The following UBA1 variants were observed in gnomAD, a reference collection of about 807,000 sequenced individuals.
UBA1 encodes the protein ubiquitin like modifier activating enzyme 1.
In UBA1, 4 loss-of-function variants were observed where a neutral mutation model predicts 84.7. That is an observed-to-expected ratio of 0.05 (90% CI 0.02 to 0.11). The LOEUF (loss-of-function observed/expected upper bound fraction) is 0.11. Ranked by LOEUF, UBA1 falls within the 10% of genes least tolerant of loss-of-function variation. The pLI is 1.00. For synonymous variants in UBA1, 364 were observed against 362.6 expected (o/e 1.00, Z -0.04); for missense variants, 513 against 902.8 (o/e 0.57, Z 5.53).
At chrX:47,192,801 G>A (rs782097787), upstream of UBA1, among the ~76,000 whole-genome samples, 1 of 112,291 alleles carries the variant, frequency 8.9e-6, no homozygotes, top group Admixed American at 9.4e-5. Flanking sequence ...ATCTTGGCCA[G>A]GCTGGTCTCC....
chrX:47,208,310 TGTAA>T (rs782158898), intron 16 of UBA1, among the ~76,000 whole-genome samples: 33 of 97,280 alleles, frequency 3.4e-4, no homozygotes, highest in Non-Finnish European at 5.4e-4. Flanking sequence ...TGTGTGTACG[TGTAA>T]GTGTGTGTAC....
chrX:47,214,163 A>C (rs1569218574), intron 23 of UBA1, among the ~76,000 whole-genome samples, 164 bp from the exon 24 acceptor site: 1 of 109,987 alleles, frequency 9.1e-6, no homozygotes, highest in African/African-American at 3.3e-5. Flanking sequence ...AAGAAAACAG[A>C]ATTTCATTGC....
chrX:47,201,120 G>A, intron 6 of UBA1, 120 bp downstream of exon 6: 1 of 823,368 alleles, frequency 1.2e-6, no homozygotes, highest in Non-Finnish European at 1.8e-6. Context: ...TTTGGGTTCT[G>A]TGTTTTCATC....
intron 24 of UBA1, 25 bp from the exon 25 acceptor site, chrX:47,214,512 C>A (rs1569218943): frequency 8.3e-7 from 1 of 1,203,669 alleles, no homozygotes; most frequent in Non-Finnish European, 1.1e-6. Context: ...CCTCCATGAC[C>A]CTGCTGTTCC....
chrX:47,212,330 C>A, intron 20 of UBA1, 94 bp from the exon 21 acceptor site: 1 of 615,248 alleles, frequency 1.6e-6, no homozygotes, highest in Non-Finnish European at 2.7e-6. Context: ...CCTTTTTGTA[C>A]CTGAATACCT....
Position 47,202,881 on chromosome X carries a change from CTCTG to C in UBA1, c.1234-56_1234-53del, listed in dbSNP as rs782003287. 5.0e-5 allele frequency: 60 copies of C among 1,199,512 alleles called. No individual in the cohort carries two copies. In the African/African-American group the frequency reaches 8.6e-4, roughly 17 times the overall value. ...TTCCTCCATGACTCTGTCACTTGCT[CTCTG>C]TCTGTGTCAGGCCCCTGTTAACCAC... On this transcript the variant is annotated intron_variant, in intron 11 of 25. Coordinates refer to ENST00000335972, the MANE Select transcript of UBA1 (RefSeq NM_003334.4).
intron 16 of UBA1, among the ~76,000 whole-genome samples, chrX:47,208,405 C>A (rs1156892905): frequency 3.6e-5 from 4 of 111,888 alleles, no homozygotes; most frequent in African/African-American, 1.3e-4. Flanking sequence ...CTCAAGTGAT[C>A]CACCTGCCTC....
At chrX:47,192,289 T>G (rs2147235313), upstream of UBA1, among the ~76,000 whole-genome samples, 1 of 110,716 alleles carries the variant, frequency 9.0e-6, no homozygotes, top group Admixed American at 9.7e-5. Context: ...TTGATAGTAC[T>G]ACTACTACTA....
Position 47,203,154 on chromosome X carries a change from G to C in UBA1, c.1359G>C (p.Gly453=). 1 of 1,211,740 alleles carries C rather than the reference G, an allele frequency of 8.3e-7. No homozygotes were observed. Among genetic ancestry groups the C allele is most frequent in the Non-Finnish European group, 1.1e-6 (1 of 895,507 alleles). ...KCLQRQNRYD[G]QVAVFGSDLQ... is the part of the protein sequence containing the mutation. ...CTTAGCGCCAGAACCGTTATGACGG[G>C]CAAGTGGCTGTGTTTGGCTCAGACC... The change falls in exon 13 of 26, where the codon GGG becomes GGC. Residue 453 remains glycine, a synonymous_variant. Coordinates refer to ENST00000335972, the MANE Select transcript of UBA1 (RefSeq NM_003334.4).
chrX:47,196,968 A>C, intron 1 of UBA1: 1 of 325,877 alleles, frequency 3.1e-6, no homozygotes, highest in Non-Finnish European at 4.0e-6. Context: ...AGACAGTTTC[A>C]TTTGTCCCAG....
At chrX:47,205,372 G>T (rs1435735844) in intron 14 of UBA1, 2 of 331,532 alleles carry the variant, frequency 6.0e-6, no homozygotes, top group Non-Finnish European at 1.2e-5. Context: ...GCAGGTGTTA[G>T]ACGAAAGAAC....
In UBA1 at chrX:47,203,594, G is replaced by A; in HGVS notation, c.1473G>A (p.Gly491=). The change falls in exon 14 of 26, where the codon GGG becomes GGA. Residue 491 remains glycine, a synonymous_variant. Transcript: ENST00000335972. ...TGCTCAAGAACTTTGCCATGATTGG[G>A]CTGGGCTGCGGGGAGGGTGGAGAAA... The part of the protein sequence containing the change: ...CELLKNFAMI[G]LGCGEGGEII... 8.3e-7 allele frequency: 1 copy of A among 1,210,749 alleles called. No individual in the cohort carries two copies. The highest frequency in any genetic ancestry group is 1.1e-6 in the Non-Finnish European group (1 of 895,126).
rs186224021 is a variant in UBA1, at chrX:47,214,366, G to T, written c.2878G>T (p.Val960Leu). Residue 960 changes from valine (V) to leucine (L), a missense_variant, in exon 24 of 26, where the codon GTA becomes TTA. Val to Leu is a conservative substitution (Grantham distance 32, BLOSUM62 1). This residue lies in a region of UBA1 where 151 missense variants were observed against 260.1 expected (regional missense o/e 0.58). Coordinates refer to ENST00000335972, the MANE Select transcript of UBA1 (RefSeq NM_003334.4). Reference protein sequence around the residue: ...QEWTLWDRFEVQGLQPNGEEM... With the variant: ...QEWTLWDRFELQGLQPNGEEM... The stretch of plus-strand genomic sequence containing the variant: ...GTGGACATTGTGGGATCGCTTTGAG[G>T]TACAAGGGCTGCAGCCTAATGGTGA... 33 of 1,208,832 alleles carry T rather than the reference G, an allele frequency of 2.7e-5. No individual in the cohort carries two copies. The Admixed American group carries it at 6.3e-4, about 23-fold the overall frequency.
In UBA1 at chrX:47,203,306, C is replaced by T. The variant is rs191827422; in HGVS notation, c.1419+92C>T. On this transcript the variant is annotated intron_variant, in intron 13 of 25. Transcript: ENST00000335972. ...TTCGGCATCTCAATGCAACCGGTGG[C>T]GCATTCTCTTTGCCATTCTCCTTAT... 1.4e-3 allele frequency: 1,431 copies of T among 1,013,052 alleles called. 8 individuals carry two copies. The African/African-American group carries it at 0.022, about 15-fold the overall frequency. 83.5% of individuals were successfully genotyped at this position (1,013,052 alleles called of 1,213,427 possible). A position where few individuals can be genotyped will look rare whatever the true frequency, so the allele number is the denominator to read the frequency against.
intron 14 of UBA1, among the ~76,000 whole-genome samples, chrX:47,204,174 A>T (rs1472238246): frequency 2.5e-4 from 13 of 51,139 alleles, no homozygotes; most frequent in Non-Finnish European, 2.8e-4. Context: ...TTTTGCCTTA[A>T]CCTCTTTTTA....
chrX:47,194,842 C>G (rs1938473626), intron 1 of UBA1, among the ~76,000 whole-genome samples: 1 of 112,450 alleles, frequency 8.9e-6, no homozygotes. Flanking sequence ...TATTCAGAGA[C>G]TACTGAGAGG....
chrX:47,204,167 T>G (rs1401665998), intron 14 of UBA1, among the ~76,000 whole-genome samples: 9 of 67,093 alleles, frequency 1.3e-4, no homozygotes, highest in Non-Finnish European at 2.3e-4. Context: ...TTTTTTTTTT[T>G]GCCTTAACCT....
Position 47,202,222 on chromosome X carries a change from G to A in UBA1, c.878G>A (p.Ser293Asn), listed in dbSNP as rs1365209491. ...FSDYIRGGIV[S>N]QVKVPKKISF... is the part of the protein sequence containing the mutation. ...GACTACATCCGTGGAGGCATCGTCA[G>A]TCAGGTCAAAGTACCTAAGAAGATT... The change falls in exon 9 of 26, where the codon AGT becomes AAT. Residue 293 changes from serine (S) to asparagine (N), a missense_variant. Around this residue, in one of 6 missense-constraint regions of UBA1, gnomAD observed 227 missense variants for 339.1 expected, o/e 0.67. Coordinates refer to ENST00000335972, the MANE Select transcript of UBA1 (RefSeq NM_003334.4). 7 of 1,208,608 alleles carry A rather than the reference G, an allele frequency of 5.8e-6. No individual in the cohort carries two copies. Among genetic ancestry groups the A allele is most frequent in the Non-Finnish European group, 6.7e-6 (6 of 894,424 alleles).
chrX:47,209,211 A>G (rs369276716), intron 16 of UBA1: 16 of 366,072 alleles, frequency 4.4e-5, no homozygotes, highest in African/African-American at 3.6e-4. Flanking sequence ...CTGGAGTGCA[A>G]TGGCATGATC....
Sources: allele counts gnomAD v4.1 joint callset (sites outside exome capture counted in the v4.1 genomes callset), GRCh38; gene constraint gnomAD v4.1.1; regional missense constraint gnomAD v4.1.1; transcripts MANE v1.5; gene names NCBI Gene and HGNC (gene_info 2026-07-23, HGNC 2026-07-21).